Variants in MAST3 observed in about 807,000 individuals in gnomAD.
The protein encoded by MAST3 is microtubule-associated serine/threonine-protein kinase 3.
MAST3 carries 43 observed loss-of-function variants against 127.0 expected under a neutral mutation model. The ratio of observed to expected loss-of-function variants is 0.34; its 90% CI spans 0.27 to 0.44. The LOEUF is 0.44. Among genes scored for constraint, MAST3 ranks in the 20% least tolerant of loss-of-function variants. The probability of loss-of-function intolerance (pLI) is 1.00; values close to 1 mark genes in which losing one functional copy is unlikely to be tolerated. For missense variants in MAST3, 1,390 were observed against 1,919.1 expected, an observed-to-expected ratio of 0.72 and a Z score of 5.15; for synonymous variants, 785 against 809.2, an observed-to-expected ratio of 0.97 and a Z score of 0.51.
rs1487213440 is a variant in MAST3 at position 18,110,858 on chromosome 19, C to T, written c.161+117C>T. On this transcript the variant is annotated intron_variant, in intron 3 of 27. Transcript: ENST00000687212. The surrounding 1 kb of genome is among the most constrained non-coding windows in gnomAD (Gnocchi z 4.3). Reference sequence around the variant, plus strand: ...ACTGCAGGTTGGTGACATCACCTCTCTGGGCCTCAGTTTACCCCTCCACAT... The same window carrying T: ...ACTGCAGGTTGGTGACATCACCTCTTTGGGCCTCAGTTTACCCCTCCACAT... The T allele has an allele frequency of 3.2e-6, 1 of 310,078 alleles. No homozygotes were observed. Among genetic ancestry groups the T allele is most frequent in the Non-Finnish European group, 4.7e-6 (1 of 212,230 alleles). The allele number at this position is 310,078 out of a possible 1,614,324, so 19.2% of individuals were successfully genotyped here.
Position 18,123,609 on chromosome 19 carries a change from A to G in MAST3, c.587A>G (p.Asn196Ser), listed in dbSNP as rs755788188. The change falls in exon 8 of 28, where the codon AAT becomes AGT. Residue 196 changes from asparagine to serine, a missense_variant. By Grantham distance (46) the Asn-to-Ser change is conservative (BLOSUM62 1). Coordinates refer to ENST00000687212, the MANE Select transcript of MAST3 (RefSeq NM_001393504.1). ...GGCCGTGCAACGGGGACCTTCGACAATGAGATTGTCATGATGAATCACGTG... is the reference window on the plus strand; with the variant it reads ...GGCCGTGCAACGGGGACCTTCGACAGTGAGATTGTCATGATGAATCACGTG... ...SPGRATGTFD[N>S]EIVMMNHVYR... 2.5e-6 allele frequency: 4 copies of G among 1,594,642 alleles called. No individual in the cohort carries two copies. The highest frequency in any genetic ancestry group is 3.4e-6 in the Non-Finnish European group (4 of 1,170,872).
intron 17 of MAST3, among the ~76,000 whole-genome samples, chr19:18,135,349 C>G (rs2147500192): frequency 6.6e-6 from 1 of 152,254 alleles, no homozygotes; most frequent in South Asian, 2.1e-4. Flanking sequence ...CCTGTAATCC[C>G]AGCTACTTGG....
chr19:18,106,128 C>T (rs948495778), intron 1 of MAST3, among the ~76,000 whole-genome samples: 3 of 152,100 alleles, frequency 2.0e-5, no homozygotes, highest in African/African-American at 7.2e-5. Context: ...TGCTCTGTCA[C>T]CCAGACTAGA....
intron 3 of MAST3, among the ~76,000 whole-genome samples, chr19:18,116,181 C>T (rs1226423962): frequency 6.7e-6 from 1 of 148,240 alleles, no homozygotes; most frequent in Non-Finnish European, 1.5e-5. Flanking sequence ...GCAACCTCCA[C>T]CTCCCGGGTA....
intron 18 of MAST3, among the ~76,000 whole-genome samples, 152 bp from the exon 19 acceptor site, chr19:18,137,087 G>T (rs1251831843): frequency 6.6e-6 from 1 of 152,120 alleles, no homozygotes; most frequent in Non-Finnish European, 1.5e-5. Context: ...CTCCCAAAGT[G>T]CTGGGATTAC....
intron 3 of MAST3, among the ~76,000 whole-genome samples, chr19:18,113,052 A>ACAT (rs2038812614): frequency 1.3e-5 from 2 of 152,106 alleles, no homozygotes. Flanking sequence ...TGATGAAGGG[A>ACAT]GGGACCCGTG....
In MAST3 at chr19:18,143,243, T is replaced by C. The variant is rs374601670; in HGVS notation, c.2340-520T>C. Among the ~76,000 whole-genome samples, 22 of 152,018 alleles carry C rather than the reference T, an allele frequency of 1.4e-4. No individual in the cohort carries two copies. The East Asian group carries it at 4.1e-3, about 28-fold the overall frequency. On this transcript the variant is annotated intron_variant, in intron 21 of 27. Transcript: ENST00000687212. ...CCTCCCAAAGTGCTGGAATTATAGG[T>C]GTCAGCCACTGCACCCAGCCTGGAA...
Position 18,151,256 on chromosome 19 carries a change from C to T in MAST3, c.*1530C>T, listed in dbSNP as rs987420109. Reference sequence around the variant, plus strand: ...TATTAAGCACCTACTGTGTGCCAAGCGCTTTTACGTGGCTTCTCCCTCAGC... The same window carrying T: ...TATTAAGCACCTACTGTGTGCCAAGTGCTTTTACGTGGCTTCTCCCTCAGC... On this transcript the variant is annotated 3_prime_UTR_variant, in exon 28 of 28. Coordinates refer to ENST00000687212, the MANE Select transcript of MAST3 (RefSeq NM_001393504.1). 2 of 152,166 alleles carry T rather than the reference C, an allele frequency of 1.3e-5. No individual in the cohort carries two copies. Among genetic ancestry groups the T allele is most frequent in the Admixed American group, 1.3e-4 (2 of 15,272 alleles). 9.4% of individuals were successfully genotyped at this position (152,166 alleles called of 1,614,324 possible). A position where few individuals can be genotyped will look rare whatever the true frequency, so the allele number is the denominator to read the frequency against.
chr19:18,147,693 A>G, intron 27 of MAST3, 69 bp downstream of exon 27: 1 of 1,150,076 alleles, frequency 8.7e-7, no homozygotes, highest in Non-Finnish European at 1.2e-6. Flanking sequence ...CCCAGGAGGG[A>G]GGAAGGAGTT....
intron 15 of MAST3, among the ~76,000 whole-genome samples, chr19:18,134,047 A>G (rs1025237432): frequency 6.6e-6 from 1 of 152,076 alleles, no homozygotes; most frequent in Non-Finnish European, 1.5e-5. Context: ...ACTGTGTATA[A>G]CCATCATTTA....
At chr19:18,148,215 C>T (rs2043229511) in intron 27 of MAST3, among the ~76,000 whole-genome samples, 1 of 151,984 alleles carries the variant, frequency 6.6e-6, no homozygotes, top group African/African-American at 2.4e-5. Context: ...GCAGGAGAAT[C>T]GCTTGAACCC....
chr19:18,124,932 C>CCA lies in MAST3; in HGVS notation c.1078+159_1078+160insAC, dbSNP rs1555798749. ...ACCAGCCTGGCCAACATGGTGGAAA[C>CCA]CCCCCCCCTACTAAAAATACAAAAA... On this transcript the variant is annotated intron_variant, in intron 11 of 27. Coordinates refer to ENST00000687212, the MANE Select transcript of MAST3 (RefSeq NM_001393504.1). Among the ~76,000 whole-genome samples, 12 of 15,952 alleles carry CCA rather than the reference C, an allele frequency of 7.5e-4. No homozygotes were observed. In the South Asian group the frequency reaches 0.01, roughly 14 times the overall value. The allele number at this position is 15,952 out of a possible 152,430, so 10.5% of individuals were successfully genotyped here. A position where few individuals can be genotyped will look rare whatever the true frequency, so the allele number is the denominator to read the frequency against.
intron 8 of MAST3, 46 bp downstream of exon 8, chr19:18,123,701 C>T (rs1390426095): frequency 1.4e-6 from 2 of 1,423,160 alleles, no homozygotes; most frequent in Non-Finnish European, 1.9e-6. Flanking sequence ...CTTCTTTCCA[C>T]ATTGCTGTCC....
At chr19:18,116,292 AT>A (rs961273024) in intron 3 of MAST3, among the ~76,000 whole-genome samples, 79 of 143,898 alleles carry the variant, frequency 5.5e-4, no homozygotes, top group African/African-American at 1.9e-3. Context: ...TTTATTTTTT[AT>A]TTTTTTTTAT....
chr19:18,137,389 G>C (rs1048625356), intron 19 of MAST3, 28 bp downstream of exon 19: 1 of 1,603,948 alleles, frequency 6.2e-7, no homozygotes, highest in Admixed American at 1.7e-5. Flanking sequence ...TGGAGGGGGG[G>C]CGGGGGGTGC....
At chr19:18,133,088 G>A (rs1476726843) in intron 15 of MAST3, among the ~76,000 whole-genome samples, 1 of 149,958 alleles carries the variant, frequency 6.7e-6, no homozygotes, top group Non-Finnish European at 1.5e-5. Context: ...GACAGAGCGA[G>A]ACTCCATCTT....
At chr19:18,119,266 A>G (rs997368150) in intron 3 of MAST3, among the ~76,000 whole-genome samples, 6 of 152,170 alleles carry the variant, frequency 3.9e-5, no homozygotes, top group South Asian at 4.1e-4. Context: ...GTTTTTCCCA[A>G]ATGCTTTTGG....
chr19:18,103,523 G>T (rs1568544373), intron 1 of MAST3, among the ~76,000 whole-genome samples: 1 of 152,106 alleles, frequency 6.6e-6, no homozygotes, highest in Non-Finnish European at 1.5e-5. Flanking sequence ...GGGCGACAGA[G>T]CAAGTCTCCA....
chr19:18,139,324 TTTTTG>T (rs981253665), intron 20 of MAST3, among the ~76,000 whole-genome samples, 200 bp downstream of exon 20: 2 of 149,734 alleles, frequency 1.3e-5, no homozygotes, highest in African/African-American at 4.9e-5. Context: ...TTGTATTGGT[TTTTTG>T]TTTTGTTTTG....
Sources: gnomAD v4.1 joint callset for allele counts (sites outside exome capture counted in the v4.1 genomes callset) on GRCh38, gnomAD v4.1.1 for gene constraint, Gnocchi (gnomAD v3.1) non-coding constraint, MANE v1.5 for transcripts, NCBI Gene and HGNC (gene_info 2026-07-23, HGNC 2026-07-21) for gene names.